The following ITGA8 variants were observed in gnomAD, a reference collection of about 807,000 sequenced individuals.
ITGA8 encodes integrin alpha-8.
A neutral mutation model predicts 142.3 loss-of-function variants in ITGA8; 91 were observed. The observed-to-expected ratio is 0.64, with a 90% CI of 0.54 to 0.76. The LOEUF (loss-of-function observed/expected upper bound fraction) is 0.76. ITGA8 is among the 30% of genes least tolerant of loss of function. The pLI is 0.00. For missense variants in ITGA8, 1,406 were observed against 1,327.7 expected (o/e 1.06, Z -0.92); for synonymous variants, 505 against 485.2 (o/e 1.04, Z -0.54).
intron 3 of ITGA8, among the ~76,000 whole-genome samples, chr10:15,685,663 A>G (rs1043735304): frequency 6.6e-6 from 1 of 152,222 alleles, no homozygotes; most frequent in African/African-American, 2.4e-5. Context: ...ATGTTGCTTT[A>G]GAGAAAATAA....
chr10:15,602,079 A>G (rs1833113539), intron 20 of ITGA8, among the ~76,000 whole-genome samples: 1 of 152,246 alleles, frequency 6.6e-6, no homozygotes. Context: ...AACAAAGCCA[A>G]CAGTAAACTG....
intron 27 of ITGA8, among the ~76,000 whole-genome samples, chr10:15,532,554 T>C (rs909462933): frequency 6.6e-6 from 1 of 151,902 alleles, no homozygotes; most frequent in Admixed American, 6.6e-5. Flanking sequence ...GTGAAAGCTC[T>C]GTTTGTTTAA....
At chr10:15,717,445 G>A (rs926090353) in intron 2 of ITGA8, among the ~76,000 whole-genome samples, 1 of 152,136 alleles carries the variant, frequency 6.6e-6, no homozygotes, top group Non-Finnish European at 1.5e-5. Flanking sequence ...CTAGAGAGCA[G>A]TAGCTAGAAA....
At chr10:15,692,648 G>A (rs888542212) in intron 2 of ITGA8, among the ~76,000 whole-genome samples, 2 of 152,200 alleles carry the variant, frequency 1.3e-5, no homozygotes, top group Admixed American at 6.5e-5. Context: ...AGTAACACAT[G>A]TCTACACAGC....
At chr10:15,638,719 C>T (rs1322904654) in intron 13 of ITGA8, among the ~76,000 whole-genome samples, 1 of 152,138 alleles carries the variant, frequency 6.6e-6, no homozygotes, top group Non-Finnish European at 1.5e-5. Context: ...TTTGTTTTCT[C>T]ATAAATTCTG....
chr10:15,572,533 A>C (rs1834205179), intron 24 of ITGA8, among the ~76,000 whole-genome samples, 164 bp from the exon 25 acceptor site: 1 of 152,234 alleles, frequency 6.6e-6, no homozygotes, highest in African/African-American at 2.4e-5. Context: ...TATGGCAAGA[A>C]GCACTCTGAA....
At chr10:15,716,630 C>T (rs1315850683) in intron 2 of ITGA8, among the ~76,000 whole-genome samples, 1 of 151,102 alleles carries the variant, frequency 6.6e-6, no homozygotes, top group Non-Finnish European at 1.5e-5. Flanking sequence ...AGGCTTCAAG[C>T]AATTGCTTTA....
chr10:15,582,088 C>T (rs985172366), intron 23 of ITGA8, among the ~76,000 whole-genome samples: 2 of 152,042 alleles, frequency 1.3e-5, no homozygotes, highest in African/African-American at 2.4e-5. Context: ...AACGTTTAAA[C>T]ATTAACTCAG....
chr10:15,718,994 C>A, intron 1 of ITGA8, 95 bp from the exon 2 acceptor site: 3 of 1,573,038 alleles, frequency 1.9e-6, no homozygotes, highest in South Asian at 1.1e-5. Flanking sequence ...GACACTGGGG[C>A]AGGCGTGGAG....
chr10:15,635,290 C>A (rs1436657873), intron 13 of ITGA8, among the ~76,000 whole-genome samples: 1 of 152,142 alleles, frequency 6.6e-6, no homozygotes. Context: ...TAGGCATAAG[C>A]CACTGCGCCC....
intron 2 of ITGA8, among the ~76,000 whole-genome samples, chr10:15,689,636 G>A (rs891950715): frequency 2.6e-5 from 4 of 152,204 alleles, no homozygotes; most frequent in Non-Finnish European, 5.9e-5. Flanking sequence ...GACCAGAGCA[G>A]CTACTGCACT....
intron 28 of ITGA8, among the ~76,000 whole-genome samples, chr10:15,527,369 C>A (rs1239084831): frequency 2.0e-5 from 3 of 152,106 alleles, no homozygotes; most frequent in Non-Finnish European, 4.4e-5. Context: ...TTTGTAATAA[C>A]CACCTTTGGA....
At chr10:15,599,939 C>CA (rs559617249) in intron 20 of ITGA8, among the ~76,000 whole-genome samples, 3 of 151,878 alleles carry the variant, frequency 2.0e-5, no homozygotes, top group South Asian at 4.2e-4. Context: ...AAAACAAAAC[C>CA]AAAAAACAAA....
rs552529242 is a variant in ITGA8 at position 15,656,252 on chromosome 10, G to A, written c.949-846C>T. ...GGAAGCATAAAAAGTTTTCATGTCG[G>A]GGGAACCCACATCTCAGTATCAATT... On this transcript the variant is annotated intron_variant, in intron 10 of 29. Transcript: ENST00000378076. Among the ~76,000 whole-genome samples the A allele has an allele frequency of 2.0e-5, 3 of 152,238 alleles. No homozygotes were observed. In the East Asian group the frequency reaches 5.8e-4, roughly 29 times the overall value.
intron 7 of ITGA8, 58 bp downstream of exon 7, chr10:15,672,566 T>C: frequency 6.5e-7 from 1 of 1,550,258 alleles, no homozygotes. Flanking sequence ...AACTTGCATC[T>C]ACATTTACTA....
intron 13 of ITGA8, among the ~76,000 whole-genome samples, chr10:15,621,048 G>A (rs1486228654): frequency 1.3e-5 from 2 of 152,104 alleles, no homozygotes; most frequent in Non-Finnish European, 2.9e-5. Flanking sequence ...CCCTTACTTT[G>A]AGATAACGGG....
chr10:15,626,521 CT>C (rs1201203837), intron 13 of ITGA8, among the ~76,000 whole-genome samples: 2 of 152,240 alleles, frequency 1.3e-5, no homozygotes, highest in African/African-American at 4.8e-5. Context: ...ACCCGGCCTC[CT>C]TTCTCTTTCT....
chr10:15,586,439 C>G (rs543572545), intron 23 of ITGA8, 145 bp downstream of exon 23: 118 of 548,764 alleles, frequency 2.2e-4, no homozygotes, highest in African/African-American at 2.1e-3. Context: ...AGGCTAATAA[C>G]GATCAGTAGA....
chr10:15,534,631 C>G (rs150856337), intron 27 of ITGA8, among the ~76,000 whole-genome samples: 1 of 152,114 alleles, frequency 6.6e-6, no homozygotes, highest in East Asian at 1.9e-4. Flanking sequence ...TTCCTTTCTC[C>G]CTTTAATTAG....
Sources: allele counts gnomAD v4.1 joint callset (sites outside exome capture counted in the v4.1 genomes callset), GRCh38; gene constraint gnomAD v4.1.1; transcripts MANE v1.5; gene names NCBI Gene and HGNC (gene_info 2026-07-23, HGNC 2026-07-21).